NOS1AP: variants seen among roughly 807,000 people sequenced by gnomAD.
NOS1AP encodes nitric oxide synthase 1 adaptor protein, also known as carboxyl-terminal PDZ ligand of neuronal nitric oxide synthase protein.
In NOS1AP, 21 loss-of-function variants were observed where a neutral mutation model predicts 56.2. The ratio of observed to expected loss-of-function variants is 0.37; its 90% CI spans 0.26 to 0.54. NOS1AP has a LOEUF of 0.54. Ranked by LOEUF, NOS1AP falls within the 20% of genes least tolerant of loss-of-function variation. The pLI is 0.84. For synonymous variants in NOS1AP, 270 were observed against 274.6 expected (o/e 0.98, Z 0.17); for missense variants, 522 against 657.8 (o/e 0.79, Z 2.26).
chr1:162,125,320 G>T (rs927946573), intron 1 of NOS1AP, among the ~76,000 whole-genome samples: 9 of 151,818 alleles, frequency 5.9e-5, no homozygotes, highest in African/African-American at 2.2e-4. Context: ...TTTTAGTAGA[G>T]ATGGGGTTTC....
chr1:162,336,883 G>A (rs112257305), intron 5 of NOS1AP, among the ~76,000 whole-genome samples: 1,998 of 152,266 alleles, frequency 0.013, 44 homozygotes, highest in African/African-American at 0.045. Flanking sequence ...TGTGGTGGAG[G>A]GACCCTAGCA....
chr1:162,105,458 A>G (rs1647458922), intron 1 of NOS1AP, among the ~76,000 whole-genome samples: 1 of 152,224 alleles, frequency 6.6e-6, no homozygotes, highest in Non-Finnish European at 1.5e-5. Context: ...GGGGGGTACC[A>G]TTCCTCATTC....
intron 2 of NOS1AP, chr1:162,156,990 G>T (rs1650002484): frequency 6.5e-6 from 1 of 154,210 alleles, no homozygotes; most frequent in South Asian, 2.0e-4. Flanking sequence ...CCAAAGAACT[G>T]GGACATGGGA....
At chr1:162,336,651 C>A (rs555587775) in intron 5 of NOS1AP, among the ~76,000 whole-genome samples, 1 of 152,244 alleles carries the variant, frequency 6.6e-6, no homozygotes, top group South Asian at 2.1e-4. Flanking sequence ...TCAATGATGC[C>A]ACTGAAATTA....
chr1:162,322,867 G>T (rs781277450), intron 4 of NOS1AP, among the ~76,000 whole-genome samples: 3 of 152,174 alleles, frequency 2.0e-5, no homozygotes, highest in Non-Finnish European at 4.4e-5. Flanking sequence ...TAGTAATACG[G>T]GTAATGAATG....
At chr1:162,268,127 C>T (rs1054663955) in intron 2 of NOS1AP, among the ~76,000 whole-genome samples, 4 of 151,866 alleles carry the variant, frequency 2.6e-5, no homozygotes, top group African/African-American at 4.8e-5. Flanking sequence ...GGCATGGTGG[C>T]GTGTGCCTGT....
At position 162,074,814 on chromosome 1, in the gene NOS1AP, C is replaced by G. The variant is rs138760847; in HGVS notation, c.105+4532C>G. 1.9e-3 allele frequency among the ~76,000 whole-genome samples: 294 copies of G among 152,256 alleles called. 2 individuals are homozygous for G. Among genetic ancestry groups the G allele is most frequent in the African/African-American group, 6.9e-3 (285 of 41,532 alleles). On this transcript the variant is annotated intron_variant, in intron 1 of 9. Coordinates refer to ENST00000361897, the MANE Select transcript of NOS1AP (RefSeq NM_014697.3). ...AGAAGGCTTCACTCATATGACTGTG[C>G]CTTGGTCGTCCTTCATGTGACTATT...
At chr1:162,356,501 A>G (rs945258015) in intron 7 of NOS1AP, among the ~76,000 whole-genome samples, 9 of 152,200 alleles carry the variant, frequency 5.9e-5, no homozygotes, top group African/African-American at 2.2e-4. Flanking sequence ...ACAAGGGAGA[A>G]GGAACATCTC....
chr1:162,193,093 A>G (rs977673015), intron 2 of NOS1AP, among the ~76,000 whole-genome samples: 2 of 152,192 alleles, frequency 1.3e-5, no homozygotes, highest in Non-Finnish European at 2.9e-5. Flanking sequence ...GATAGTTACA[A>G]TAGTTACAGA....
At chr1:162,334,650 T>G (rs946589257) in intron 5 of NOS1AP, among the ~76,000 whole-genome samples, 1 of 152,236 alleles carries the variant, frequency 6.6e-6, no homozygotes, top group African/African-American at 2.4e-5. Context: ...TTGACTGTGC[T>G]TCTGACTTTA....
intron 2 of NOS1AP, among the ~76,000 whole-genome samples, chr1:162,223,993 G>C (rs1652865818): frequency 6.6e-6 from 1 of 152,190 alleles, no homozygotes; most frequent in Non-Finnish European, 1.5e-5. Flanking sequence ...GAGTCACTCT[G>C]TTAAGGGCAC....
intron 6 of NOS1AP, among the ~76,000 whole-genome samples, chr1:162,350,455 C>T (rs961148186): frequency 6.6e-6 from 1 of 152,178 alleles, no homozygotes; most frequent in Non-Finnish European, 1.5e-5. Flanking sequence ...CCTGGGACTC[C>T]AAGCCAGGTG....
intron 4 of NOS1AP, among the ~76,000 whole-genome samples, chr1:162,315,723 G>A (rs1298830586): frequency 6.6e-6 from 1 of 152,158 alleles, no homozygotes; most frequent in Non-Finnish European, 1.5e-5. Flanking sequence ...GATTAACTGA[G>A]GAGTCCTCTG....
At chr1:162,136,788 C>T (rs1571050033) in intron 1 of NOS1AP, among the ~76,000 whole-genome samples, 1 of 152,170 alleles carries the variant, frequency 6.6e-6, no homozygotes, top group East Asian at 1.9e-4. Context: ...TCTCAGCTGG[C>T]TGTAGTATGA....
chr1:162,267,651 T>C (rs540576732), intron 2 of NOS1AP, among the ~76,000 whole-genome samples: 2 of 151,532 alleles, frequency 1.3e-5, no homozygotes, highest in Non-Finnish European at 2.9e-5. Context: ...AAGTCCCAGC[T>C]ACTCAGGAGG....
intron 4 of NOS1AP, among the ~76,000 whole-genome samples, chr1:162,323,053 G>A (rs1341601072): frequency 2.6e-5 from 4 of 152,198 alleles, no homozygotes. Context: ...CTGTGAATGT[G>A]GATGTTATTT....
intron 8 of NOS1AP, among the ~76,000 whole-genome samples, chr1:162,362,355 G>A (rs529110533): frequency 3.4e-4 from 51 of 151,946 alleles, no homozygotes; most frequent in Middle Eastern, 6.8e-3. Flanking sequence ...GGAGGATGAG[G>A]CAGGAGAATC....
chr1:162,211,151 C>T (rs2101646911), intron 2 of NOS1AP, among the ~76,000 whole-genome samples: 1 of 152,348 alleles, frequency 6.6e-6, no homozygotes. Flanking sequence ...AGCCAGCAGG[C>T]TTCTTGGGTC....
chr1:162,317,644 A>T (rs892929474), intron 4 of NOS1AP: 1 of 152,180 alleles, frequency 6.6e-6, no homozygotes, highest in African/African-American at 2.4e-5. Flanking sequence ...CAGCCCTCGT[A>T]TATCTACATG....
Sources: allele counts gnomAD v4.1 joint callset (sites outside exome capture counted in the v4.1 genomes callset), GRCh38; gene constraint gnomAD v4.1.1; transcripts MANE v1.5; gene names NCBI Gene and HGNC (gene_info 2026-07-23, HGNC 2026-07-21).